Variants in BFSP2 observed in about 807,000 individuals in gnomAD.
BFSP2 encodes beaded filament structural protein 2, also known as phakinin.
Under a neutral mutation model 44.9 loss-of-function variants are expected in BFSP2, and 38 were observed. The ratio of observed to expected loss-of-function variants is 0.85; its 90% CI spans 0.65 to 1.11. The LOEUF (loss-of-function observed/expected upper bound fraction) is 1.11, where lower values mean the gene tolerates loss of function less well. Ranked by LOEUF, BFSP2 falls within the 50% of genes least tolerant of loss-of-function variation. BFSP2 has a pLI of 0.00. For synonymous variants in BFSP2, 197 were observed against 209.9 expected (o/e 0.94, Z 0.53); for missense variants, 525 against 533.0 (o/e 0.99, Z 0.15).
chr3:133,433,583 A>G (rs1006940441), intron 1 of BFSP2, among the ~76,000 whole-genome samples: 5 of 152,198 alleles, frequency 3.3e-5, no homozygotes, highest in African/African-American at 1.2e-4. Flanking sequence ...CTGGATAGGT[A>G]GAGTCCTTTC....
chr3:133,444,735 T>C (rs1336065158), intron 1 of BFSP2, among the ~76,000 whole-genome samples: 1 of 151,984 alleles, frequency 6.6e-6, no homozygotes. Context: ...CAAATGCATC[T>C]TAAACTAGTC....
At chr3:133,422,818 C>T (rs1203442628) in intron 1 of BFSP2, among the ~76,000 whole-genome samples, 7 of 40,806 alleles carry the variant, frequency 1.7e-4, no homozygotes, top group East Asian at 1.9e-3. Flanking sequence ...AGAAACTGTC[C>T]GGACAGGGGG....
chr3:133,417,082 CAGCCCTGCCCT>C (rs2073542073), intron 1 of BFSP2, among the ~76,000 whole-genome samples: 1 of 142,916 alleles, frequency 7.0e-6, no homozygotes, highest in Non-Finnish European at 1.5e-5. Flanking sequence ...CCCTTCTACT[CAGCCCTGCCCT>C]CTCCCCTCTA....
At chr3:133,425,895 G>T in intron 1 of BFSP2, among the ~76,000 whole-genome samples, 1 of 107,992 alleles carries the variant, frequency 9.3e-6, no homozygotes, top group African/African-American at 3.3e-5. Flanking sequence ...GGGAAGGCAA[G>T]GGAAATAAGA....
intron 6 of BFSP2, among the ~76,000 whole-genome samples, chr3:133,473,209 C>G (rs1432905286): frequency 6.6e-6 from 1 of 152,118 alleles, no homozygotes; most frequent in East Asian, 1.9e-4. Flanking sequence ...AGACTACACT[C>G]TGAGTAGCAA....
chr3:133,460,251 T>C (rs943493127), intron 4 of BFSP2, among the ~76,000 whole-genome samples: 1 of 152,156 alleles, frequency 6.6e-6, no homozygotes, highest in Non-Finnish European at 1.5e-5. Flanking sequence ...TTTTAGCATT[T>C]TATAGAGGAG....
chr3:133,462,161 G>A lies in BFSP2; in HGVS notation c.892-4667G>A, dbSNP rs570433709. 4.1e-3 allele frequency among the ~76,000 whole-genome samples: 621 copies of A among 152,246 alleles called. 5 individuals are homozygous for A. The highest frequency in any genetic ancestry group is 0.014 in the African/African-American group (591 of 41,540). ...CAAGATCCTAAGGTGACGCTCATGC[G>A]CATTTAACCTATAGTTTCCATTTTA... On this transcript the variant is annotated intron_variant, in intron 4 of 6. Transcript: ENST00000302334.
Position 133,447,681 on chromosome 3 carries a change from C to T in BFSP2, c.572+282C>T, listed in dbSNP as rs569362301. 3.3e-5 allele frequency among the ~76,000 whole-genome samples: 5 copies of T among 152,284 alleles called. No individual in the cohort carries two copies. The East Asian group carries it at 5.8e-4, about 18-fold the overall frequency. Reference sequence around the variant, plus strand: ...GCCATATAGAAAACAGAGATTGCTGCGCCCCACCCTGTTGAATTTCTGACT... The same window carrying T: ...GCCATATAGAAAACAGAGATTGCTGTGCCCCACCCTGTTGAATTTCTGACT... On this transcript the variant is annotated intron_variant, in intron 2 of 6. Transcript: ENST00000302334.
chr3:133,474,428 A>G (rs2074196067), intron 6 of BFSP2, among the ~76,000 whole-genome samples: 1 of 152,252 alleles, frequency 6.6e-6, no homozygotes, highest in Non-Finnish European at 1.5e-5. Context: ...AGAAGGCGGG[A>G]GAGCCTCAAG....
chr3:133,402,702 G>A (rs1014494537), intron 1 of BFSP2, among the ~76,000 whole-genome samples: 1 of 149,258 alleles, frequency 6.7e-6, no homozygotes, highest in Non-Finnish European at 1.5e-5. Flanking sequence ...GTGCAGTGGT[G>A]CGATCTCAAC....
chr3:133,400,168 G>A lies in BFSP2; in HGVS notation c.85G>A (p.Gly29Arg). 6.2e-7 allele frequency: 1 copy of A among 1,614,112 alleles called. No homozygotes were observed. The highest frequency in any genetic ancestry group is 8.5e-7 in the Non-Finnish European group (1 of 1,180,010). Residue 29 changes from glycine (G) to arginine (R), a missense_variant, in exon 1 of 7, where the codon GGG (glycine) becomes AGG (arginine). Coordinates refer to ENST00000302334, the MANE Select transcript of BFSP2 (RefSeq NM_003571.4). This position sits in a 1 kb window ranked among gnomAD's most constrained non-coding sequence, Gnocchi z 4.0. ...PLQRRRASFR[G>R]PRSSSSLESP... ...CCAGAGGCGCAGGGCGTCCTTCAGGGGGCCACGGTCATCATCCTCCCTGGA... is the reference window on the plus strand; with the variant it reads ...CCAGAGGCGCAGGGCGTCCTTCAGGAGGCCACGGTCATCATCCTCCCTGGA...
rs886058011 is a variant in BFSP2, at chr3:133,448,617, T to C, written c.701T>C (p.Leu234Pro). ...CAAATAGAAAGTCTGAAAGAAGAAC[T>C]TGGCTCTCTATCAAGAAACTATGAA... ...ESQIESLKEE[L>P]GSLSRNYEED... Residue 234 changes from leucine to proline, a missense_variant, in exon 3 of 7, where the codon CTT becomes CCT. By Grantham distance (98) the Leu-to-Pro change is moderately conservative (BLOSUM62 -3). Transcript: ENST00000302334. 2.8e-5 allele frequency: 45 copies of C among 1,613,990 alleles called. No individual in the cohort carries two copies. The highest frequency in any genetic ancestry group is 3.8e-5 in the Non-Finnish European group (45 of 1,179,982).
chr3:133,474,752 C>T (rs1576603646), intron 6 of BFSP2, among the ~76,000 whole-genome samples: 2 of 152,296 alleles, frequency 1.3e-5, no homozygotes, highest in East Asian at 1.9e-4. Context: ...CCTCATGATC[C>T]GTGTTTTAGA....
intron 1 of BFSP2, among the ~76,000 whole-genome samples, chr3:133,428,016 A>G (rs2370244): frequency 0.84 from 127,414 of 152,156 alleles, 53,570 homozygotes; most frequent in Middle Eastern, 0.94. Context: ...CTTTTCCAAG[A>G]TTCACAGGTT....
chr3:133,451,080 C>T (rs1343076664), intron 4 of BFSP2, among the ~76,000 whole-genome samples: 2 of 129,980 alleles, frequency 1.5e-5, no homozygotes, highest in Non-Finnish European at 3.1e-5. Flanking sequence ...CACTGCACTC[C>T]AGCCTGGGCA....
At chr3:133,444,649 G>A (rs746733188) in intron 1 of BFSP2, among the ~76,000 whole-genome samples, 1 of 152,090 alleles carries the variant, frequency 6.6e-6, no homozygotes, top group Non-Finnish European at 1.5e-5. Flanking sequence ...GGATGAAACG[G>A]AGCGGTCACC....
Position 133,400,391 on chromosome 3 carries a change from G to A in BFSP2, c.308G>A (p.Arg103Lys), listed in dbSNP as rs774824709. The A allele has an allele frequency of 6.8e-6, 11 of 1,614,080 alleles. No individual in the cohort carries two copies. Among genetic ancestry groups the A allele is most frequent in the Non-Finnish European group, 8.5e-6 (10 of 1,180,048 alleles). ...ACCGTGCCGGCTCCAGGTTTGGAGA[G>A]GGACCATGGTGCTGTTGAGGACCTA... ...LATVPAPGLE[R>K]DHGAVEDLGG... The change falls in exon 1 of 7, where the codon AGG (arginine) becomes AAG (lysine). Residue 103 changes from arginine (R) to lysine (K), a missense_variant. By Grantham distance (26) the Arg-to-Lys change is conservative (BLOSUM62 2). Transcript: ENST00000302334. The surrounding 1 kb of genome is among the most constrained non-coding windows in gnomAD (Gnocchi z 4.0).
intron 5 of BFSP2, among the ~76,000 whole-genome samples, chr3:133,470,753 C>T (rs1290515452): frequency 6.6e-6 from 1 of 152,198 alleles, no homozygotes; most frequent in East Asian, 1.9e-4. Flanking sequence ...TTGGTTCCTT[C>T]CAAGTCTCAC....
At chr3:133,439,618 G>A (rs1473002824) in intron 1 of BFSP2, among the ~76,000 whole-genome samples, 1 of 152,232 alleles carries the variant, frequency 6.6e-6, no homozygotes, top group African/African-American at 2.4e-5. Context: ...GAAAGTAGGA[G>A]GCAGTCTGCC....
Sources: allele counts gnomAD v4.1 joint callset (sites outside exome capture counted in the v4.1 genomes callset), GRCh38; gene constraint gnomAD v4.1.1; non-coding constraint Gnocchi (gnomAD v3.1); transcripts MANE v1.5; gene names NCBI Gene and HGNC (gene_info 2026-07-23, HGNC 2026-07-21).